The following ASB5 variants were observed in gnomAD, a reference collection of about 807,000 sequenced individuals.
The protein encoded by ASB5 is ankyrin repeat and SOCS box containing 5, also known as ankyrin repeat and SOCS box protein 5.
In ASB5, 45 loss-of-function variants were observed where a neutral mutation model predicts 42.1. That is an observed-to-expected ratio of 1.07 (90% confidence interval 0.84 to 1.37). ASB5 has a LOEUF of 1.37. Among genes scored for constraint, ASB5 ranks in the 40% most tolerant of loss-of-function variants. The pLI, the probability that ASB5 is intolerant of heterozygous loss-of-function variation, is 0.00. For synonymous variants in ASB5, 147 were observed against 150.6 expected (o/e 0.98, Z 0.18); for missense variants, 402 against 399.8 (o/e 1.01, Z -0.05).
chr4:176,252,938 G>T (rs1754072040), intron 1 of ASB5, among the ~76,000 whole-genome samples: 1 of 152,132 alleles, frequency 6.6e-6, no homozygotes, highest in African/African-American at 2.4e-5. Context: ...ACAGTTATGA[G>T]GATTATGGCA....
At chr4:176,270,910 C>A (rs1300786840), upstream of ASB5, among the ~76,000 whole-genome samples, 2 of 152,152 alleles carry the variant, frequency 1.3e-5, no homozygotes, top group African/African-American at 2.4e-5. Flanking sequence ...AGAAATAAAA[C>A]CTGCCTTAGT....
intron 1 of ASB5, among the ~76,000 whole-genome samples, chr4:176,258,808 T>C (rs1430405751): frequency 6.6e-6 from 1 of 152,152 alleles, no homozygotes; most frequent in Non-Finnish European, 1.5e-5. Context: ...CAATTAAGTT[T>C]CATAAATAAA....
rs34392287 is a variant in ASB5, at chr4:176,251,564, T to TAAA, written c.196+17346_196+17348dup. The stretch of plus-strand genomic sequence containing the variant: ...GCGACACAGTGAGACTCTGTCTCAT[T>TAAA]AAAAAAAAAAAAAAAAAAAAAAAAA... On this transcript the variant is annotated intron_variant, in intron 1 of 6. Transcript: ENST00000296525. Among the ~76,000 whole-genome samples, 103 of 10,378 alleles carry TAAA rather than the reference T, an allele frequency of 9.9e-3. 25 individuals are homozygous for TAAA. Among genetic ancestry groups the TAAA allele is most frequent in the African/African-American group, 0.037 (95 of 2,548 alleles). 6.8% of individuals were successfully genotyped at this position (10,378 alleles called of 152,430 possible). A position where few individuals can be genotyped will look rare whatever the true frequency, so the allele number is the denominator to read the frequency against.
chr4:176,224,741 C>T (rs1753328446), intron 2 of ASB5, among the ~76,000 whole-genome samples: 4 of 151,964 alleles, frequency 2.6e-5, no homozygotes, highest in Admixed American at 2.0e-4. Flanking sequence ...TTTTCTGTTT[C>T]AATAAGGATT....
At chr4:176,263,859 A>T (rs533238036) in intron 1 of ASB5, among the ~76,000 whole-genome samples, 1 of 152,260 alleles carries the variant, frequency 6.6e-6, no homozygotes, top group South Asian at 2.1e-4. Context: ...TAAATTCCTA[A>T]AGTTGCTTTT....
Position 176,214,408 on chromosome 4 carries a change from C to A in ASB5, c.*1192G>T, listed in dbSNP as rs987521346. On this transcript the variant is annotated 3_prime_UTR_variant, in exon 7 of 7. Coordinates refer to ENST00000296525, the MANE Select transcript of ASB5 (RefSeq NM_080874.4). ...AATAGGCCCTGAATTACAAAACAGG[C>A]ATAAAATTTTATTAAGTTTTTTATT... 1.3e-5 allele frequency: 2 copies of A among 152,040 alleles called. No homozygotes were observed. The highest frequency in any genetic ancestry group is 2.9e-5 in the Non-Finnish European group (2 of 67,982). 9.4% of individuals were successfully genotyped at this position (152,040 alleles called of 1,614,324 possible). A position where few individuals can be genotyped will look rare whatever the true frequency, so the allele number is the denominator to read the frequency against.
intron 3 of ASB5, 59 bp downstream of exon 3, chr4:176,222,254 T>A (rs1020579182): frequency 7.0e-7 from 1 of 1,432,842 alleles, no homozygotes; most frequent in South Asian, 1.2e-5. Flanking sequence ...AAATGAGAAC[T>A]CTGTTGGATT....
At chr4:176,221,014 G>T in intron 5 of ASB5, 141 bp downstream of exon 5, 3 of 1,072,780 alleles carry the variant, frequency 2.8e-6, no homozygotes, top group Non-Finnish European at 3.8e-6. Context: ...CTTTTTTATT[G>T]GTTCTCTATT....
At chr4:176,247,950 T>A (rs569401285) in intron 1 of ASB5, among the ~76,000 whole-genome samples, 151 of 152,216 alleles carry the variant, frequency 9.9e-4, no homozygotes, top group African/African-American at 3.6e-3. Flanking sequence ...AAACTCAATT[T>A]TAAAAAGGGG....
At chr4:176,253,806 T>C (rs964862903) in intron 1 of ASB5, among the ~76,000 whole-genome samples, 13 of 151,728 alleles carry the variant, frequency 8.6e-5, no homozygotes, top group Non-Finnish European at 1.6e-4. Context: ...CATTTTACAT[T>C]TACAATAGCT....
chr4:176,241,200 A>C (rs184767994), intron 1 of ASB5, among the ~76,000 whole-genome samples: 1 of 152,326 alleles, frequency 6.6e-6, no homozygotes, highest in Non-Finnish European at 1.5e-5. Context: ...ACAGGTTGAT[A>C]ATTTTTATTT....
chr4:176,270,546 T>A (rs943720505), upstream of ASB5, among the ~76,000 whole-genome samples: 128 of 152,128 alleles, frequency 8.4e-4, no homozygotes, highest in African/African-American at 3.0e-3. Context: ...TAATAATAAT[T>A]AGATCTATAT....
At chr4:176,216,156 G>A (rs1752963709) in intron 6 of ASB5, among the ~76,000 whole-genome samples, 1 of 152,030 alleles carries the variant, frequency 6.6e-6, no homozygotes, top group African/African-American at 2.4e-5. Flanking sequence ...AGTCTCAAAT[G>A]TAAAAATATT....
chr4:176,243,286 T>A (rs868777286), intron 1 of ASB5, among the ~76,000 whole-genome samples: 267 of 152,282 alleles, frequency 1.8e-3, no homozygotes, highest in African/African-American at 6.0e-3. Flanking sequence ...TCTATCTTTT[T>A]AAATTCTTCT....
Position 176,215,605 on chromosome 4 carries a change from G to A in ASB5, c.985C>T (p.Arg329Ter), listed in dbSNP as rs534160855. ...PTLLKNFLQY[R>*] The stretch of plus-strand genomic sequence containing the variant: ...TTTAGAATTACTTTACTGTTTTATC[G>A]ATACTGTAAGAAATTCTTCAGTAAC... The change falls in exon 7 of 7, where the codon CGA becomes TGA. Residue 329 changes from arginine to a stop codon, truncating the protein, a stop_gained. Transcript: ENST00000296525. LOFTEE classifies it high-confidence loss of function. 130 of 1,610,270 alleles carry A rather than the reference G, an allele frequency of 8.1e-5. No homozygotes were observed. Among genetic ancestry groups the A allele is most frequent in the Non-Finnish European group, 1.0e-4 (121 of 1,178,130 alleles).
chr4:176,229,326 C>T (rs1753462697), intron 1 of ASB5, among the ~76,000 whole-genome samples: 1 of 152,126 alleles, frequency 6.6e-6, no homozygotes, highest in African/African-American at 2.4e-5. Context: ...TGGACTCATT[C>T]CTTTCTAGTA....
chr4:176,277,097 T>C lies in ASB5; in HGVS notation c.-201+132A>G, dbSNP rs376070096. 1.7e-4 allele frequency: 26 copies of C among 152,126 alleles called. No homozygotes were observed. In the East Asian group the frequency reaches 2.1e-3, roughly 12 times the overall value. 9.4% of individuals were successfully genotyped at this position (152,126 alleles called of 1,614,324 possible). Reference sequence around the variant, plus strand: ...TTATGTTACAGGCCCATTGGAAGGGTGTATGAGAATATGCCCTGCATTTTT... The same window carrying C: ...TTATGTTACAGGCCCATTGGAAGGGCGTATGAGAATATGCCCTGCATTTTT... On this transcript the variant is annotated intron_variant, in intron 1 of 2. Coordinates refer to the ASB5 transcript ENST00000505299.
intron 1 of ASB5, among the ~76,000 whole-genome samples, chr4:176,228,856 T>C (rs35747348): frequency 0.032 from 4,832 of 152,284 alleles, 118 homozygotes; most frequent in Non-Finnish European, 0.046. Flanking sequence ...ATCTGATGCT[T>C]TAAAAATCAC....
chr4:176,241,677 G>A, intron 1 of ASB5: 1 of 1,334,906 alleles, frequency 7.5e-7, no homozygotes, highest in Non-Finnish European at 9.6e-7. Context: ...GATAGTGAGT[G>A]AGGGCAGATG....
Sources: gnomAD v4.1 joint callset for allele counts (sites outside exome capture counted in the v4.1 genomes callset) on GRCh38, gnomAD v4.1.1 for gene constraint, MANE v1.5 for transcripts, NCBI Gene and HGNC (gene_info 2026-07-23, HGNC 2026-07-21) for gene names.